Variants in TOGARAM2 observed in about 807,000 individuals in gnomAD.
TOGARAM2 encodes the protein TOG array regulator of axonemal microtubules protein 2.
In TOGARAM2, 85 loss-of-function variants were observed where a neutral mutation model predicts 93.3. The ratio of observed to expected loss-of-function variants is 0.91; its 90% CI spans 0.76 to 1.09. The LOEUF is 1.09. TOGARAM2 is among the 50% of genes least tolerant of loss of function. The probability of loss-of-function intolerance (pLI) is 0.00; values close to 1 mark genes in which losing one functional copy is unlikely to be tolerated. For synonymous variants in TOGARAM2, 593 were observed against 552.8 expected, an observed-to-expected ratio of 1.07 and a Z score of -1.02; for missense variants, 1,277 against 1,334.5, an observed-to-expected ratio of 0.96 and a Z score of 0.67.
intron 14 of TOGARAM2, among the ~76,000 whole-genome samples, chr2:29,031,202 A>G (rs1050183749): frequency 6.6e-6 from 1 of 152,222 alleles, no homozygotes; most frequent in Non-Finnish European, 1.5e-5. Flanking sequence ...TATGTTGCCC[A>G]GGTTGGAGTG....
rs1280342824 is a variant in TOGARAM2 at position 29,022,217 on chromosome 2, A to G, written c.1420A>G (p.Met474Val). The change falls in exon 11 of 20, where the codon ATG becomes GTG. Residue 474 changes from methionine to valine, a missense_variant. Coordinates refer to ENST00000379558, the MANE Select transcript of TOGARAM2 (RefSeq NM_199280.4). ...TCCTGAATGGGAAGAAGAGGAGGAG[A>G]TGGATCTTAGAGCCTGTAAGGAGTT... ...GSPEWEEEEEMDLRACKELRP... is the reference protein window; with the variant it reads ...GSPEWEEEEEVDLRACKELRP... The G allele has an allele frequency of 6.2e-7, 1 of 1,613,956 alleles. No individual in the cohort carries two copies.
intron 1 of TOGARAM2, among the ~76,000 whole-genome samples, chr2:28,984,549 G>A (rs1672378096): frequency 6.6e-6 from 1 of 152,150 alleles, no homozygotes; most frequent in African/African-American, 2.4e-5. Context: ...CTGAGTACAT[G>A]TGCTTGTTTA....
intron 16 of TOGARAM2, 76 bp downstream of exon 16, chr2:29,033,639 G>A: frequency 7.0e-7 from 1 of 1,418,970 alleles, no homozygotes; most frequent in Non-Finnish European, 9.7e-7. Context: ...CATGGCCAGG[G>A]GTGGCTCTGG....
chr2:28,981,352 T>C lies in TOGARAM2; in HGVS notation c.-297T>C, dbSNP rs562681679. On this transcript the variant is annotated 5_prime_UTR_variant, in exon 1 of 20. Transcript: ENST00000379558. ...TGGAGCACGCCAGCAGTGGAGCTCG[T>C]GGCCACCCAGCCCCTGCTCAGACAG... The C allele has an allele frequency of 0.16, 25,076 of 152,332 alleles. 2,193 individuals are homozygous for C. Among genetic ancestry groups the C allele is most frequent in the South Asian group, 0.24 (1,135 of 4,820 alleles). The allele number at this position is 152,332 out of a possible 1,614,324, so 9.4% of individuals were successfully genotyped here. A position where few individuals can be genotyped will look rare whatever the true frequency, so the allele number is the denominator to read the frequency against.
At chr2:28,979,044 T>A (rs186666621), upstream of TOGARAM2, among the ~76,000 whole-genome samples, 9 of 152,322 alleles carry the variant, frequency 5.9e-5, no homozygotes, top group East Asian at 1.7e-3. Context: ...TGGATTCGTG[T>A]CCCTTTCTTT....
In TOGARAM2 at chr2:29,017,959, G is replaced by T; in HGVS notation, c.1360+3G>T. 1 of 1,595,204 alleles carries T rather than the reference G, an allele frequency of 6.3e-7. No homozygotes were observed. ...CCGCTTTGCCCGCCACGCCTCAGGT[G>T]GGCAGGCCCGACTGGCAGGCACACG... On this transcript the variant is annotated splice_donor_region_variant and intron_variant, in intron 10 of 19. Coordinates refer to ENST00000379558, the MANE Select transcript of TOGARAM2 (RefSeq NM_199280.4).
chr2:29,036,464 G>A, intron 17 of TOGARAM2, 77 bp from the exon 18 acceptor site: 1 of 1,425,422 alleles, frequency 7.0e-7, no homozygotes, highest in Non-Finnish European at 9.8e-7. Flanking sequence ...GGCCAGGTGA[G>A]CTCCAAGCTG....
At chr2:28,996,592 C>A (rs918081639) in intron 2 of TOGARAM2, among the ~76,000 whole-genome samples, 2 of 151,900 alleles carry the variant, frequency 1.3e-5, no homozygotes, top group Non-Finnish European at 2.9e-5. Flanking sequence ...GAGGCAGAGG[C>A]GGGCAGATTG....
chr2:29,036,670 A>T lies in TOGARAM2; in HGVS notation c.2548A>T (p.Ile850Phe). ...ACACCCCATGCTGCTCTCCATCATC[A>T]TCACTGTTGCAGACAACCTCAACTC... ...SLHPMLLSII[I>F]TVADNLNSKN... The change falls in exon 18 of 20, where the codon ATC becomes TTC. Residue 850 changes from isoleucine (I) to phenylalanine (F), a missense_variant. Coordinates refer to ENST00000379558, the MANE Select transcript of TOGARAM2 (RefSeq NM_199280.4). 2 of 1,613,962 alleles carry T rather than the reference A, an allele frequency of 1.2e-6. No individual in the cohort carries two copies. The highest frequency in any genetic ancestry group is 1.7e-6 in the Non-Finnish European group (2 of 1,179,882).
rs183268582 is a variant in TOGARAM2 at position 29,020,253 on chromosome 2, T to C, written c.1361-1905T>C. Among the ~76,000 whole-genome samples, 6 of 152,218 alleles carry C rather than the reference T, an allele frequency of 3.9e-5. No individual in the cohort carries two copies. The South Asian group carries it at 8.3e-4, about 21-fold the overall frequency. ...ATTGGGAACTGATGTGGGTTACAGATTGGGAATGGATGTGGGTTACAGATT... is the reference window on the plus strand; with the variant it reads ...ATTGGGAACTGATGTGGGTTACAGACTGGGAATGGATGTGGGTTACAGATT... On this transcript the variant is annotated intron_variant, in intron 10 of 19. Transcript: ENST00000379558.
chr2:29,026,880 C>T lies in TOGARAM2; in HGVS notation c.1881C>T (p.Tyr627=), dbSNP rs193011365. 4.8e-4 allele frequency: 760 copies of T among 1,591,496 alleles called. 4 individuals are homozygous for T. In the African/African-American group the frequency reaches 8.3e-3, roughly 17 times the overall value. Residue 627 remains tyrosine, a synonymous_variant, in exon 14 of 20, where the codon TAC becomes TAT. Transcript: ENST00000379558. ...ACCGGAACCCCTTGATCCGGAAATA[C>T]GCGGCTGAGCACCTCTCAGCTGTGC... ...VYHRNPLIRK[Y]AAEHLSAVLE...
intron 18 of TOGARAM2, among the ~76,000 whole-genome samples, chr2:29,037,893 T>C (rs1400482503): frequency 6.6e-6 from 1 of 152,192 alleles, no homozygotes; most frequent in Non-Finnish European, 1.5e-5. Flanking sequence ...TAAATCACCA[T>C]GGGCCTTGGA....
At chr2:29,030,232 G>C (rs1315009881) in intron 14 of TOGARAM2, among the ~76,000 whole-genome samples, 19 of 151,812 alleles carry the variant, frequency 1.3e-4, no homozygotes. Context: ...GCTGAAATAG[G>C]GCCATTACAC....
Position 29,005,309 on chromosome 2 carries a change from G to T in TOGARAM2, c.830+1627G>T, listed in dbSNP as rs1258841101. On this transcript the variant is annotated intron_variant, in intron 6 of 19. Transcript: ENST00000379558. Reference sequence around the variant, plus strand: ...GTGTGTGTGTGCATGTGTGTGTGTGGGGTATGTGTGCATGTGTGTGTGAGA... The same window carrying T: ...GTGTGTGTGTGCATGTGTGTGTGTGTGGTATGTGTGCATGTGTGTGTGAGA... Among the ~76,000 whole-genome samples the T allele has an allele frequency of 1.1e-4, 8 of 72,572 alleles. No individual in the cohort carries two copies. In the East Asian group the frequency reaches 3.0e-3, roughly 28 times the overall value. 47.6% of individuals were successfully genotyped at this position (72,572 alleles called of 152,430 possible).
At chr2:28,978,192 C>G (rs1236131713), upstream of TOGARAM2, among the ~76,000 whole-genome samples, 3 of 152,260 alleles carry the variant, frequency 2.0e-5, no homozygotes, top group Non-Finnish European at 2.9e-5. Flanking sequence ...CAGGCGTGAG[C>G]CACCGTGCCC....
At chr2:29,037,204 A>G (rs1466815402) in intron 18 of TOGARAM2, among the ~76,000 whole-genome samples, 1 of 152,004 alleles carries the variant, frequency 6.6e-6, no homozygotes, top group Non-Finnish European at 1.5e-5. Context: ...GAAAGGTGAG[A>G]GCTTCTAGGT....
chr2:29,004,531 G>A (rs922196217), intron 6 of TOGARAM2, among the ~76,000 whole-genome samples: 9 of 152,230 alleles, frequency 5.9e-5, no homozygotes, highest in Non-Finnish European at 1.0e-4. Context: ...CAACATCCCC[G>A]TGGTCAGTCC....
chr2:28,990,820 G>A (rs937869696), intron 1 of TOGARAM2, among the ~76,000 whole-genome samples: 1 of 151,998 alleles, frequency 6.6e-6, no homozygotes, highest in African/African-American at 2.4e-5. Context: ...AGCTGGAGGG[G>A]GTCGAAGGCA....
intron 1 of TOGARAM2, among the ~76,000 whole-genome samples, chr2:28,967,868 A>G (rs1043678610): frequency 7.7e-6 from 1 of 130,004 alleles, no homozygotes; most frequent in Non-Finnish European, 1.5e-5. Flanking sequence ...GCTGGAGTGC[A>G]GTGGCTCAAT....
Sources: allele counts gnomAD v4.1 joint callset (sites outside exome capture counted in the v4.1 genomes callset), GRCh38; gene constraint gnomAD v4.1.1; transcripts MANE v1.5; gene names NCBI Gene and HGNC (gene_info 2026-07-23, HGNC 2026-07-21).